Variants in OSBPL6 observed in about 807,000 individuals in gnomAD.
The protein encoded by OSBPL6 is oxysterol binding protein like 6, also known as oxysterol-binding protein-related protein 6.
Under a neutral mutation model 125.8 loss-of-function variants are expected in OSBPL6, and 49 were observed. That is an observed-to-expected ratio of 0.39 (90% CI 0.31 to 0.49). The LOEUF (loss-of-function observed/expected upper bound fraction) is 0.49, where lower values mean the gene tolerates loss of function less well. Among genes scored for constraint, OSBPL6 ranks in the 20% least tolerant of loss-of-function variants. OSBPL6 has a pLI of 0.88. For missense variants in OSBPL6, 986 were observed against 1,135.4 expected (o/e 0.87, Z 1.89); for synonymous variants, 394 against 391.8 (o/e 1.01, Z -0.07).
At chr2:178,353,250 T>C (rs7559699) in intron 12 of OSBPL6, among the ~76,000 whole-genome samples, 38,990 of 152,090 alleles carry the variant, frequency 0.26, 5,280 homozygotes, top group Admixed American at 0.38. Context: ...ATGACTTTGA[T>C]GAGTTGGCAT....
At chr2:178,267,684 C>T (rs1372909832) in intron 1 of OSBPL6, among the ~76,000 whole-genome samples, 1 of 152,138 alleles carries the variant, frequency 6.6e-6, no homozygotes, top group African/African-American at 2.4e-5. Flanking sequence ...GTGAAATTGT[C>T]ACCTGCCTGC....
Position 178,395,558 on chromosome 2 carries a change from A to G in OSBPL6, c.2804A>G (p.Ter935TrpextTer14). The part of the protein sequence containing the change: ...FSKVDSPVLW[*>W] ...AAAGTAGACAGCCCTGTTCTTTGGT[A>G]GACTGGGAATGTAGAGCTAGCCAAC... Residue 935 changes from the stop codon to tryptophan, a stop_lost, in exon 25 of 25, where the codon TAG becomes TGG. Coordinates refer to ENST00000190611, the MANE Select transcript of OSBPL6 (RefSeq NM_032523.4). The G allele has an allele frequency of 6.2e-7, 1 of 1,600,750 alleles. No homozygotes were observed. Among genetic ancestry groups the G allele is most frequent in the Non-Finnish European group, 8.6e-7 (1 of 1,168,230 alleles).
At chr2:178,249,760 A>T (rs771903510) in intron 1 of OSBPL6, among the ~76,000 whole-genome samples, 1 of 151,510 alleles carries the variant, frequency 6.6e-6, no homozygotes, top group Non-Finnish European at 1.5e-5. Context: ...TGGCACCCAG[A>T]GACTGACTTT....
intron 13 of OSBPL6, among the ~76,000 whole-genome samples, chr2:178,362,181 A>T (rs1692420201): frequency 6.6e-6 from 1 of 152,154 alleles, no homozygotes. Flanking sequence ...TCCAATAGTG[A>T]ATATTTTTTA....
At position 178,389,167 on chromosome 2, in the gene OSBPL6, T is replaced by C; in HGVS notation, c.2301+14T>C. 1 of 1,611,198 alleles carries C rather than the reference T, an allele frequency of 6.2e-7. No homozygotes were observed. Among genetic ancestry groups the C allele is most frequent in the Non-Finnish European group, 8.5e-7 (1 of 1,178,820 alleles). On this transcript the variant is annotated intron_variant, in intron 21 of 24. Coordinates refer to ENST00000190611, the MANE Select transcript of OSBPL6 (RefSeq NM_032523.4). ...ACATTTGTCAAGGTAAATACTATCATACAACAGTAAAGGAAAATGAGTATA... is the reference window on the plus strand; with the variant it reads ...ACATTTGTCAAGGTAAATACTATCACACAACAGTAAAGGAAAATGAGTATA...
At chr2:178,315,953 C>G (rs1309924885) in intron 3 of OSBPL6, among the ~76,000 whole-genome samples, 2 of 152,198 alleles carry the variant, frequency 1.3e-5, no homozygotes, top group Non-Finnish European at 2.9e-5. Flanking sequence ...TACAAAACTG[C>G]TTTATTTGAT....
At chr2:178,385,598 A>T in intron 19 of OSBPL6, 77 bp downstream of exon 19, 1 of 1,117,798 alleles carries the variant, frequency 8.9e-7, no homozygotes, top group South Asian at 1.3e-5. Context: ...GGGACACTGT[A>T]TTCAGTTTAG....
intron 15 of OSBPL6, among the ~76,000 whole-genome samples, chr2:178,377,569 G>T (rs1289614278): frequency 6.6e-6 from 1 of 152,186 alleles, no homozygotes; most frequent in Non-Finnish European, 1.5e-5. Flanking sequence ...CACCTGGTGA[G>T]TTGACTATAC....
chr2:178,371,997 C>T, intron 13 of OSBPL6, 129 bp from the exon 14 acceptor site: 1 of 596,078 alleles, frequency 1.7e-6, no homozygotes, highest in Non-Finnish European at 2.8e-6. Flanking sequence ...GGGTCTGGCT[C>T]ATGATGGCTT....
At chr2:178,296,337 A>G (rs753872690) in intron 2 of OSBPL6, among the ~76,000 whole-genome samples, 4 of 152,190 alleles carry the variant, frequency 2.6e-5, no homozygotes, top group Non-Finnish European at 1.5e-5. Context: ...TCCCTGTTTT[A>G]TAGATGAGGA....
At chr2:178,215,686 A>T (rs1437996924) in intron 1 of OSBPL6, among the ~76,000 whole-genome samples, 1 of 151,792 alleles carries the variant, frequency 6.6e-6, no homozygotes, top group Admixed American at 6.6e-5. Context: ...AAGGGAAGGG[A>T]GGGAGAGTGT....
chr2:178,394,903 G>A (rs1695714591), intron 24 of OSBPL6, among the ~76,000 whole-genome samples: 1 of 152,220 alleles, frequency 6.6e-6, no homozygotes, highest in South Asian at 2.1e-4. Flanking sequence ...ACATCACACA[G>A]ATTAATCTGA....
intron 11 of OSBPL6, among the ~76,000 whole-genome samples, chr2:178,345,346 T>C (rs1690596610): frequency 6.6e-6 from 1 of 152,220 alleles, no homozygotes; most frequent in Non-Finnish European, 1.5e-5. Flanking sequence ...GAATGGATGC[T>C]GGTATGAGGA....
At chr2:178,302,598 AT>A (rs906449270) in intron 2 of OSBPL6, among the ~76,000 whole-genome samples, 3 of 152,198 alleles carry the variant, frequency 2.0e-5, no homozygotes, top group African/African-American at 4.8e-5. Flanking sequence ...GTTAAAAAAA[AT>A]AACAAAAATT....
At chr2:178,347,901 G>A (rs1225486964) in intron 11 of OSBPL6, among the ~76,000 whole-genome samples, 1 of 152,142 alleles carries the variant, frequency 6.6e-6, no homozygotes, top group African/African-American at 2.4e-5. Flanking sequence ...ATTTTGGGGA[G>A]GGGAAAGCTT....
intron 2 of OSBPL6, among the ~76,000 whole-genome samples, chr2:178,304,536 C>T (rs1686583819): frequency 6.6e-6 from 1 of 152,266 alleles, no homozygotes. Context: ...ATTATGGGAA[C>T]TACAATTCAG....
chr2:178,213,483 A>G (rs369009459), intron 1 of OSBPL6, among the ~76,000 whole-genome samples: 3 of 151,782 alleles, frequency 2.0e-5, no homozygotes, highest in Admixed American at 6.6e-5. Flanking sequence ...ACCGCTAACC[A>G]TGTGTCTCCA....
chr2:178,261,797 C>T (rs1420625573), intron 1 of OSBPL6, among the ~76,000 whole-genome samples: 1 of 150,420 alleles, frequency 6.6e-6, no homozygotes, highest in East Asian at 1.9e-4. Flanking sequence ...CTTTGGTTGA[C>T]CTTTCTTCAA....
intron 1 of OSBPL6, among the ~76,000 whole-genome samples, chr2:178,197,915 C>T (rs1199844207): frequency 6.6e-6 from 1 of 152,316 alleles, no homozygotes; most frequent in South Asian, 2.1e-4. Context: ...GATGCAGTCC[C>T]TATGCATAGG....
Sources: allele counts gnomAD v4.1 joint callset (sites outside exome capture counted in the v4.1 genomes callset), GRCh38; gene constraint gnomAD v4.1.1; transcripts MANE v1.5; gene names NCBI Gene and HGNC (gene_info 2026-07-23, HGNC 2026-07-21).